The following PRKCA variants were observed in gnomAD, a reference collection of about 807,000 sequenced individuals.
PRKCA encodes the protein protein kinase C alpha type.
In PRKCA, 27 loss-of-function variants were observed where a neutral mutation model predicts 87.0. The ratio of observed to expected loss-of-function variants is 0.31; its 90% CI spans 0.23 to 0.43. The LOEUF is 0.43. Among genes scored for constraint, PRKCA ranks in the 20% least tolerant of loss-of-function variants. The probability of loss-of-function intolerance (pLI) is 1.00; values close to 1 mark genes in which losing one functional copy is unlikely to be tolerated. For synonymous variants in PRKCA, 329 were observed against 311.1 expected (o/e 1.06, Z -0.61); for missense variants, 518 against 852.3 (o/e 0.61, Z 4.88).
At chr17:66,564,300 A>C (rs1442967362) in intron 3 of PRKCA, among the ~76,000 whole-genome samples, 2 of 152,172 alleles carry the variant, frequency 1.3e-5, no homozygotes, top group Non-Finnish European at 2.9e-5. Context: ...GCTGGTCTCA[A>C]ACTCCTGACC....
intron 2 of PRKCA, among the ~76,000 whole-genome samples, chr17:66,330,673 G>T (rs1169587998): frequency 3.3e-5 from 5 of 152,122 alleles, no homozygotes; most frequent in Non-Finnish European, 5.9e-5. Context: ...TGTTAAGAGG[G>T]TCTCAGGATG....
intron 13 of PRKCA, among the ~76,000 whole-genome samples, chr17:66,767,269 A>G (rs1166573487): frequency 6.6e-6 from 1 of 152,168 alleles, no homozygotes; most frequent in Non-Finnish European, 1.5e-5. Context: ...TTTCTCCCTC[A>G]TCAGCATTAT....
intron 2 of PRKCA, among the ~76,000 whole-genome samples, chr17:66,468,881 C>A (rs908226496): frequency 1.3e-5 from 2 of 152,194 alleles, no homozygotes; most frequent in African/African-American, 4.8e-5. Flanking sequence ...TCTCTATTTC[C>A]CCTGAAGGTT....
At chr17:66,682,513 G>C (rs574792470) in intron 5 of PRKCA, among the ~76,000 whole-genome samples, 1 of 152,242 alleles carries the variant, frequency 6.6e-6, no homozygotes, top group Admixed American at 6.5e-5. Flanking sequence ...CGCGTTCCCT[G>C]CCAGGGCCTT....
chr17:66,778,223 A>G, intron 14 of PRKCA: 1 of 984,830 alleles, frequency 1.0e-6, no homozygotes, highest in Non-Finnish European at 1.2e-6. Flanking sequence ...CTCTATTAAA[A>G]ACGGTGATGG....
At chr17:66,737,177 C>T (rs1483315708) in intron 10 of PRKCA, among the ~76,000 whole-genome samples, 1 of 147,888 alleles carries the variant, frequency 6.8e-6, no homozygotes, top group East Asian at 2.0e-4. Context: ...ACGGTGAAAC[C>T]CCGTCTCTAC....
At chr17:66,566,307 G>T (rs1293726683) in intron 3 of PRKCA, among the ~76,000 whole-genome samples, 4 of 152,180 alleles carry the variant, frequency 2.6e-5, no homozygotes, top group African/African-American at 9.6e-5. Context: ...TTCTTTTGAG[G>T]TTTTATCAGT....
chr17:66,631,948 G>T (rs565409960), intron 3 of PRKCA, among the ~76,000 whole-genome samples: 1 of 152,332 alleles, frequency 6.6e-6, no homozygotes, highest in African/African-American at 2.4e-5. Flanking sequence ...TAGGAAGATG[G>T]TCTTAATAAT....
intron 3 of PRKCA, among the ~76,000 whole-genome samples, chr17:66,533,598 C>T (rs564394783): frequency 1.2e-4 from 19 of 152,358 alleles, no homozygotes; most frequent in African/African-American, 4.6e-4. Flanking sequence ...TTTACAGACT[C>T]ATCTTGCCCA....
intron 10 of PRKCA, among the ~76,000 whole-genome samples, chr17:66,737,279 C>T (rs1177415000): frequency 1.3e-5 from 2 of 151,920 alleles, no homozygotes; most frequent in South Asian, 2.1e-4. Flanking sequence ...AGGAGAATGG[C>T]GTGAACCCGG....
At chr17:66,585,107 G>C (rs1469659751) in intron 3 of PRKCA, among the ~76,000 whole-genome samples, 3 of 152,042 alleles carry the variant, frequency 2.0e-5, no homozygotes, top group African/African-American at 4.8e-5. Flanking sequence ...GAGAGGCGGT[G>C]TCTGATTTAC....
Position 66,302,797 on chromosome 17 carries a change from C to A in PRKCA, c.-55C>A. 1 of 1,401,844 alleles carries A rather than the reference C, an allele frequency of 7.1e-7. No homozygotes were observed. The highest frequency in any genetic ancestry group is 9.4e-7 in the Non-Finnish European group (1 of 1,061,504). 86.8% of individuals were successfully genotyped at this position (1,401,844 alleles called of 1,614,324 possible). A position where few individuals can be genotyped will look rare whatever the true frequency, so the allele number is the denominator to read the frequency against. ...CTCTCCCCCGCCGCCCCCGCCCACCCGGCCCTCCGCGGCCGCAGCTCCCCG... is the reference window on the plus strand; with the variant it reads ...CTCTCCCCCGCCGCCCCCGCCCACCAGGCCCTCCGCGGCCGCAGCTCCCCG... On this transcript the variant is annotated 5_prime_UTR_variant, in exon 1 of 17. Transcript: ENST00000413366.
chr17:66,569,373 A>T (rs1035583500), intron 3 of PRKCA, among the ~76,000 whole-genome samples: 1 of 147,880 alleles, frequency 6.8e-6, no homozygotes, highest in Non-Finnish European at 1.5e-5. Context: ...CGTTCAAGAC[A>T]GCCTGGCCAA....
intron 2 of PRKCA, among the ~76,000 whole-genome samples, chr17:66,387,782 T>C (rs1598631663): frequency 6.6e-6 from 1 of 152,088 alleles, no homozygotes; most frequent in Non-Finnish European, 1.5e-5. Context: ...GCCGCAGGGG[T>C]AGGGCAGAGG....
intron 8 of PRKCA, among the ~76,000 whole-genome samples, chr17:66,725,440 A>C (rs1973721799): frequency 6.6e-6 from 1 of 152,138 alleles, no homozygotes. Flanking sequence ...GCTTGGTCTC[A>C]AGATACAAAC....
chr17:66,718,339 G>T (rs1973528651), intron 8 of PRKCA, among the ~76,000 whole-genome samples: 1 of 152,134 alleles, frequency 6.6e-6, no homozygotes, highest in African/African-American at 2.4e-5. Flanking sequence ...TAGAGACAGG[G>T]TCTCATTCTG....
At chr17:66,436,374 A>G (rs1225074878) in intron 2 of PRKCA, among the ~76,000 whole-genome samples, 1 of 152,122 alleles carries the variant, frequency 6.6e-6, no homozygotes, top group Admixed American at 6.5e-5. Context: ...TGACCAAATG[A>G]ACCTCTGTCT....
intron 4 of PRKCA, among the ~76,000 whole-genome samples, chr17:66,644,079 C>T (rs970343955): frequency 6.6e-6 from 1 of 152,164 alleles, no homozygotes; most frequent in African/African-American, 2.4e-5. Flanking sequence ...ATGTGGTTAA[C>T]ACAAGCAATA....
At chr17:66,626,755 T>C (rs1970869909) in intron 3 of PRKCA, among the ~76,000 whole-genome samples, 1 of 152,110 alleles carries the variant, frequency 6.6e-6, no homozygotes, top group Non-Finnish European at 1.5e-5. Context: ...AATCCACCTG[T>C]CTGGGCCTCC....
Sources: allele counts gnomAD v4.1 joint callset (sites outside exome capture counted in the v4.1 genomes callset), GRCh38; gene constraint gnomAD v4.1.1; transcripts MANE v1.5; gene names NCBI Gene and HGNC (gene_info 2026-07-23, HGNC 2026-07-21).